The following TAB2 variants were observed in gnomAD, a reference collection of about 807,000 sequenced individuals.
The protein encoded by TAB2 is TGF-beta activated kinase 1 (MAP3K7) binding protein 2.
A neutral mutation model predicts 65.0 loss-of-function variants in TAB2; 3 were observed. That is an observed-to-expected ratio of 0.05 (90% CI 0.02 to 0.12). The LOEUF (loss-of-function observed/expected upper bound fraction) is 0.12. Among genes scored for constraint, TAB2 ranks in the 10% least tolerant of loss-of-function variants. TAB2 has a pLI of 1.00. For synonymous variants in TAB2, 298 were observed against 285.1 expected (o/e 1.05, Z -0.46); for missense variants, 623 against 840.3 (o/e 0.74, Z 3.20).
chr6:149,263,791 T>C (rs569571521), intron 1 of TAB2, among the ~76,000 whole-genome samples: 14 of 152,348 alleles, frequency 9.2e-5, no homozygotes, highest in African/African-American at 3.4e-4. Flanking sequence ...GCCAGTGGCA[T>C]TGGCGCCCAG....
At chr6:149,390,529 A>G (rs181078387) in intron 3 of TAB2, among the ~76,000 whole-genome samples, 12 of 152,344 alleles carry the variant, frequency 7.9e-5, no homozygotes, top group African/African-American at 2.9e-4. Flanking sequence ...AACTAACACC[A>G]TCTGGAACTT....
rs1779309024 is a variant in TAB2, at chr6:149,318,014, G to C, written c.-91G>C. ...AGGAGGGGGAAGCGGCGGCGGCAAA[G>C]GGTAAGCGGACAGCGCTGCCGGGCC... On this transcript the variant is annotated splice_region_variant and 5_prime_UTR_variant, in exon 1 of 7. Coordinates refer to ENST00000637181, the MANE Select transcript of TAB2 (RefSeq NM_001292034.3). 1 of 167,980 alleles carries C rather than the reference G, an allele frequency of 6.0e-6. No homozygotes were observed. Among genetic ancestry groups the C allele is most frequent in the African/African-American group, 2.4e-5 (1 of 41,570 alleles). 10.4% of individuals were successfully genotyped at this position (167,980 alleles called of 1,614,324 possible). A position where few individuals can be genotyped will look rare whatever the true frequency, so the allele number is the denominator to read the frequency against.
At chr6:149,222,535 T>C (rs1777170627) in intron 1 of TAB2, among the ~76,000 whole-genome samples, 1 of 151,908 alleles carries the variant, frequency 6.6e-6, no homozygotes, top group Admixed American at 6.6e-5. Flanking sequence ...GGAGAATTGT[T>C]TGAACCTGAG....
chr6:149,327,110 A>G (rs974719436), intron 1 of TAB2, among the ~76,000 whole-genome samples: 1 of 152,214 alleles, frequency 6.6e-6, no homozygotes, highest in African/African-American at 2.4e-5. Context: ...AAAGCCTATT[A>G]TACAGATATT....
chr6:149,372,561 A>G (rs1781266007), intron 2 of TAB2, among the ~76,000 whole-genome samples: 1 of 152,112 alleles, frequency 6.6e-6, no homozygotes. Flanking sequence ...TAGTAATATC[A>G]CCTTCCCTAT....
chr6:149,241,780 A>G (rs1444125178), intron 1 of TAB2, among the ~76,000 whole-genome samples: 1 of 152,224 alleles, frequency 6.6e-6, no homozygotes, highest in East Asian at 1.9e-4. Flanking sequence ...CTGATTGAAT[A>G]TATACCTAGC....
Position 149,399,127 on chromosome 6 carries a change from A to C in TAB2, c.1882A>C (p.Ile628Leu). Residue 628 changes from isoleucine (I) to leucine (L), a missense_variant, in exon 6 of 7, where the codon ATT becomes CTT. Ile to Leu is a conservative substitution (Grantham distance 5). This residue lies in a region of TAB2 where 56 missense variants were observed against 130.3 expected (regional missense o/e 0.43). Coordinates refer to ENST00000637181, the MANE Select transcript of TAB2 (RefSeq NM_001292034.3). ...ARGPHFNPSA[I>L]HNFYDNIGFV... ...AGGACCACATTTTAACCCCAGCGCT[A>C]TTCATAACTTTTATGACAATATTGG... The C allele has an allele frequency of 6.2e-7, 1 of 1,613,596 alleles. No homozygotes were observed. Among genetic ancestry groups the C allele is most frequent in the Non-Finnish European group, 8.5e-7 (1 of 1,179,664 alleles).
chr6:149,296,631 A>G (rs7761396), intron 1 of TAB2, among the ~76,000 whole-genome samples: 7,966 of 152,312 alleles, frequency 0.052, 679 homozygotes, highest in African/African-American at 0.18. Flanking sequence ...AAGTTCTCAC[A>G]TAAGTTATTA....
chr6:149,320,292 G>A (rs1282669754), intron 1 of TAB2, among the ~76,000 whole-genome samples: 2 of 152,098 alleles, frequency 1.3e-5, no homozygotes, highest in African/African-American at 4.8e-5. Context: ...GGCCTGGCTG[G>A]TCTCGAACTC....
At chr6:149,248,302 G>T (rs928824071) in intron 1 of TAB2, among the ~76,000 whole-genome samples, 1 of 152,144 alleles carries the variant, frequency 6.6e-6, no homozygotes, top group African/African-American at 2.4e-5. Flanking sequence ...TGAGGCAGGA[G>T]AATTGCTCGA....
chr6:149,310,843 G>A (rs1022850304), intron 1 of TAB2, among the ~76,000 whole-genome samples: 4 of 152,128 alleles, frequency 2.6e-5, no homozygotes, highest in African/African-American at 4.8e-5. Context: ...AAATCACATA[G>A]TCTTCTTTGA....
chr6:149,275,515 A>G (rs752800015), intron 1 of TAB2, among the ~76,000 whole-genome samples: 18 of 152,260 alleles, frequency 1.2e-4, no homozygotes, highest in Non-Finnish European at 2.4e-4. Flanking sequence ...CAAATTTATC[A>G]TGCAGAATAA....
chr6:149,303,152 G>C (rs997927939), intron 1 of TAB2, among the ~76,000 whole-genome samples: 1 of 152,096 alleles, frequency 6.6e-6, no homozygotes, highest in African/African-American at 2.4e-5. Flanking sequence ...AACAAGCTAA[G>C]GGCTCCCATT....
At chr6:149,375,549 C>T (rs566301943) in intron 2 of TAB2, among the ~76,000 whole-genome samples, 2 of 151,918 alleles carry the variant, frequency 1.3e-5, no homozygotes, top group Non-Finnish European at 2.9e-5. Flanking sequence ...GAGTATCAAG[C>T]TTTTACAAAG....
intron 1 of TAB2, among the ~76,000 whole-genome samples, chr6:149,364,627 C>G (rs1014078528): frequency 1.3e-5 from 2 of 151,104 alleles, no homozygotes; most frequent in Admixed American, 6.6e-5. Flanking sequence ...ATGGTATCTC[C>G]TGCATACTAG....
intron 1 of TAB2, among the ~76,000 whole-genome samples, chr6:149,256,312 G>T (rs1778033017): frequency 1.3e-5 from 2 of 152,134 alleles, no homozygotes; most frequent in East Asian, 1.9e-4. Context: ...TATTAGAATT[G>T]TATGGGTGGA....
rs577307120 is a variant in TAB2, at chr6:149,340,945, A to G, written c.-90+22930A>G. Among the ~76,000 whole-genome samples the G allele has an allele frequency of 2.0e-5, 3 of 152,226 alleles. No individual in the cohort carries two copies. The South Asian group carries it at 6.2e-4, about 32-fold the overall frequency. ...GGGTGTAATCTGATCTTTGAGCCAT[A>G]TTTGGTAAATAATAATTTTGTGTGG... is the stretch of plus-strand genomic sequence containing the variant. On this transcript the variant is annotated intron_variant, in intron 1 of 6. Transcript: ENST00000637181.
intron 1 of TAB2, among the ~76,000 whole-genome samples, chr6:149,224,695 G>C (rs1777230185): frequency 6.6e-6 from 1 of 152,184 alleles, no homozygotes; most frequent in Admixed American, 6.5e-5. Flanking sequence ...AAGAACAAAA[G>C]AGCAACAGGA....
At chr6:149,322,665 G>C (rs767030010) in intron 1 of TAB2, among the ~76,000 whole-genome samples, 1 of 152,136 alleles carries the variant, frequency 6.6e-6, no homozygotes, top group African/African-American at 2.4e-5. Context: ...ACATTGTGTC[G>C]TATGTTGTTG....
Sources: gnomAD v4.1 joint callset for allele counts (sites outside exome capture counted in the v4.1 genomes callset) on GRCh38, gnomAD v4.1.1 for gene constraint, gnomAD v4.1.1 regional missense constraint, MANE v1.5 for transcripts, NCBI Gene and HGNC (gene_info 2026-07-23, HGNC 2026-07-21) for gene names.